Variants in PCYT1B observed in about 807,000 individuals in gnomAD.
The protein encoded by PCYT1B is phosphate cytidylyltransferase 1B, choline, also known as choline-phosphate cytidylyltransferase B.
In PCYT1B, 10 loss-of-function variants were observed where a neutral mutation model predicts 26.4. That is an observed-to-expected ratio of 0.38 (90% CI 0.23 to 0.64). PCYT1B has a LOEUF of 0.64. PCYT1B is among the 30% of genes least tolerant of loss of function. The pLI, the probability that PCYT1B is intolerant of heterozygous loss-of-function variation, is 0.56. For missense variants in PCYT1B, 161 were observed against 292.7 expected, an observed-to-expected ratio of 0.55 and a Z score of 3.28; for synonymous variants, 131 against 108.4, an observed-to-expected ratio of 1.21 and a Z score of -1.29.
intron 3 of PCYT1B, among the ~76,000 whole-genome samples, chrX:24,590,511 T>C (rs776643572): frequency 7.2e-5 from 8 of 111,599 alleles, no homozygotes; most frequent in Middle Eastern, 4.6e-3. Flanking sequence ...AGAAATAAAA[T>C]GACCAAATGA....
chrX:24,631,067 T>C (rs781264184), intron 1 of PCYT1B, among the ~76,000 whole-genome samples: 4 of 111,299 alleles, frequency 3.6e-5, no homozygotes, highest in Non-Finnish European at 5.7e-5. Context: ...GGATTACAGG[T>C]GCCCGCCACC....
intron 4 of PCYT1B, among the ~76,000 whole-genome samples, chrX:24,589,672 A>G (rs1280398219): frequency 1.8e-5 from 2 of 111,855 alleles, no homozygotes; most frequent in East Asian, 5.6e-4. Flanking sequence ...TACCTCTTAG[A>G]TCTTCAAAAC....
chrX:24,641,198 G>C (rs1379184498), intron 1 of PCYT1B, among the ~76,000 whole-genome samples: 1 of 112,049 alleles, frequency 8.9e-6, no homozygotes, highest in African/African-American at 3.2e-5. Flanking sequence ...CTCCCAAAGT[G>C]CTGGGATCAC....
intron 7 of PCYT1B, among the ~76,000 whole-genome samples, chrX:24,571,870 C>A (rs1409205077): frequency 3.6e-5 from 4 of 111,328 alleles, no homozygotes; most frequent in African/African-American, 9.8e-5. Context: ...ATTGCTTGAG[C>A]CCAGAAATTT....
At chrX:24,588,015 A>G (rs1924428722) in intron 4 of PCYT1B, among the ~76,000 whole-genome samples, 2 of 112,372 alleles carry the variant, frequency 1.8e-5, no homozygotes, top group African/African-American at 6.5e-5. Context: ...TCCTGTCCTG[A>G]ATTTAATTCA....
intron 1 of PCYT1B, among the ~76,000 whole-genome samples, chrX:24,643,827 C>T (rs372972915): frequency 6.2e-5 from 7 of 112,137 alleles, no homozygotes; most frequent in African/African-American, 2.3e-4. Context: ...AGGAGCCTGC[C>T]CTCTGAAGGA....
intron 3 of PCYT1B, among the ~76,000 whole-genome samples, chrX:24,592,817 C>T (rs192746156): frequency 1.5e-3 from 166 of 112,022 alleles, no homozygotes; most frequent in Non-Finnish European, 3.9e-4. Flanking sequence ...CAGGTCCGGG[C>T]CTTGCACTAT....
intron 7 of PCYT1B, among the ~76,000 whole-genome samples, chrX:24,571,928 A>G (rs1403889605): frequency 1.8e-5 from 2 of 111,160 alleles, no homozygotes; most frequent in Non-Finnish European, 3.8e-5. Context: ...AGCCTGGGCA[A>G]CAGAGTGAGA....
intron 3 of PCYT1B, among the ~76,000 whole-genome samples, chrX:24,595,884 GAA>G (rs1180138372): frequency 7.1e-5 from 4 of 55,976 alleles, no homozygotes; most frequent in African/African-American, 1.6e-4. Context: ...CTGTCTCAAA[GAA>G]AAAAAAAAAA....
At chrX:24,624,312 A>T (rs999697939) in intron 1 of PCYT1B, among the ~76,000 whole-genome samples, 1 of 111,818 alleles carries the variant, frequency 8.9e-6, no homozygotes, top group Non-Finnish European at 1.9e-5. Context: ...CCCGTCAGAC[A>T]GGCCTGAGTT....
chrX:24,633,465 G>A (rs1926172232), intron 1 of PCYT1B, among the ~76,000 whole-genome samples: 1 of 110,141 alleles, frequency 9.1e-6, no homozygotes, highest in Non-Finnish European at 1.9e-5. Context: ...CTTGAGGTCA[G>A]GAGTTCTACA....
chrX:24,590,215 G>A, intron 3 of PCYT1B, 41 bp from the exon 4 acceptor site: 1 of 1,157,220 alleles, frequency 8.6e-7, no homozygotes, highest in Non-Finnish European at 1.2e-6. Flanking sequence ...ACTCGGCCCA[G>A]GACCTGCTCA....
intron 3 of PCYT1B, among the ~76,000 whole-genome samples, chrX:24,603,152 C>T (rs757089825): frequency 5.7e-4 from 64 of 112,575 alleles, no homozygotes; most frequent in African/African-American, 1.9e-3. Context: ...AGAAGGTATA[C>T]AGATTTTTCA....
At chrX:24,605,635 G>A (rs1361360156) in intron 3 of PCYT1B, among the ~76,000 whole-genome samples, 1 of 112,065 alleles carries the variant, frequency 8.9e-6, no homozygotes, top group Non-Finnish European at 1.9e-5. Context: ...AGAGTTGTTA[G>A]ATGAAGGGGC....
At chrX:24,600,696 G>A (rs1924929981) in intron 3 of PCYT1B, among the ~76,000 whole-genome samples, 1 of 111,327 alleles carries the variant, frequency 9.0e-6, no homozygotes, top group African/African-American at 3.3e-5. Flanking sequence ...AATTGATATT[G>A]AAGGAGAAGA....
At chrX:24,666,831 C>T (rs907835311) in intron 1 of PCYT1B, among the ~76,000 whole-genome samples, 1 of 111,261 alleles carries the variant, frequency 9.0e-6, no homozygotes, top group Non-Finnish European at 1.9e-5. Context: ...GAGCTGGCTC[C>T]AAGTCCTTGA....
intron 1 of PCYT1B, chrX:24,621,771 C>G (rs757687680): frequency 7.3e-6 from 3 of 408,708 alleles, no homozygotes; most frequent in Non-Finnish European, 9.2e-6. Context: ...TTTCACATGA[C>G]CTAAAATAAA....
Position 24,607,735 on chromosome X carries a change from C to A in PCYT1B, c.334+10G>T. On this transcript the variant is annotated intron_variant, in intron 3 of 7. Coordinates refer to ENST00000379144, the MANE Select transcript of PCYT1B (RefSeq NM_004845.5). ...GAGTTTTCTAGACAAAAAGAAAATG[C>A]ACTTCTTACCTCCTACCAACAAGTA... The A allele has an allele frequency of 1.0e-6, 1 of 995,736 alleles. No homozygotes were observed. The highest frequency in any genetic ancestry group is 1.4e-6 in the Non-Finnish European group (1 of 708,507). The allele number at this position is 995,736 out of a possible 1,213,427, so 82.1% of individuals were successfully genotyped here. A position where few individuals can be genotyped will look rare whatever the true frequency, so the allele number is the denominator to read the frequency against.
intron 7 of PCYT1B, among the ~76,000 whole-genome samples, chrX:24,570,080 G>A (rs995499094): frequency 4.1e-4 from 43 of 105,489 alleles, no homozygotes; most frequent in Non-Finnish European, 7.6e-4. Flanking sequence ...CCAGCTACTC[G>A]GGAGGCTGAG....
Sources: gnomAD v4.1 joint callset for allele counts (sites outside exome capture counted in the v4.1 genomes callset) on GRCh38, gnomAD v4.1.1 for gene constraint, MANE v1.5 for transcripts, NCBI Gene and HGNC (gene_info 2026-07-23, HGNC 2026-07-21) for gene names.